Variants in RGP1 observed in about 807,000 individuals in gnomAD.
The protein encoded by RGP1 is RAB6A-GEF complex partner protein 2.
A neutral mutation model predicts 44.5 loss-of-function variants in RGP1; 28 were observed. That is an observed-to-expected ratio of 0.63 (90% CI 0.47 to 0.86). The LOEUF is 0.86. RGP1 is among the 40% of genes least tolerant of loss of function. The pLI, the probability that RGP1 is intolerant of heterozygous loss-of-function variation, is 0.00. For synonymous variants in RGP1, 212 were observed against 196.7 expected (o/e 1.08, Z -0.65); for missense variants, 417 against 490.7 (o/e 0.85, Z 1.42).
At chr9:35,776,593 T>C in the RGP1 span, among the ~76,000 whole-genome samples, 1 of 151,922 alleles carries the variant, frequency 6.6e-6, no homozygotes, top group Non-Finnish European at 1.5e-5. Flanking sequence ...GGCCCCCTAT[T>C]CTCATCTAAA....
chr9:35,752,186 G>C (rs368461138), intron 8 of RGP1, 41 bp downstream of exon 8: 6 of 1,500,838 alleles, frequency 4.0e-6, no homozygotes, highest in Non-Finnish European at 2.7e-6. Flanking sequence ...GAGGGGGACA[G>C]TAAAATGCTG....
At chr9:35,783,614 G>T in the RGP1 span, among the ~76,000 whole-genome samples, 1,424 of 152,106 alleles carry the variant, frequency 9.4e-3, 13 homozygotes, top group African/African-American at 0.033. Context: ...TGCTGCAAAT[G>T]ACAGGAATTC....
At chr9:35,787,601 T>G in the RGP1 span, among the ~76,000 whole-genome samples, 1 of 152,224 alleles carries the variant, frequency 6.6e-6, no homozygotes. Context: ...AACCATACTG[T>G]GCACTGCTGC....
the RGP1 span, among the ~76,000 whole-genome samples, chr9:35,766,530 T>C: frequency 1.0e-3 from 156 of 152,322 alleles, 1 homozygote; most frequent in Non-Finnish European, 1.3e-3. Context: ...GTGTTTTTTG[T>C]ATCCTGCATA....
At position 35,753,336 on chromosome 9, in the gene RGP1, C is replaced by G; in HGVS notation, c.*462C>G. On this transcript the variant is annotated 3_prime_UTR_variant, in exon 9 of 9. Coordinates refer to ENST00000378078, the MANE Select transcript of RGP1 (RefSeq NM_001080496.3). This position sits in a 1 kb window ranked among gnomAD's most constrained non-coding sequence, Gnocchi z 4.2. ...GCACAGTGAAAGGCTGCCTTTATCC[C>G]TGCCCACATGTTCCCTCTCTCACAG... 1 of 1,563,474 alleles carries G rather than the reference C, an allele frequency of 6.4e-7. No individual in the cohort carries two copies. Among genetic ancestry groups the G allele is most frequent in the Non-Finnish European group, 8.7e-7 (1 of 1,151,080 alleles).
In RGP1 at chr9:35,749,374, C is replaced by G. The variant is rs1227856291; in HGVS notation, c.-54C>G. The G allele has an allele frequency of 3.7e-6, 2 of 544,244 alleles. No homozygotes were observed. The highest frequency in any genetic ancestry group is 2.8e-5 in the South Asian group (2 of 72,338). 33.7% of individuals were successfully genotyped at this position (544,244 alleles called of 1,614,324 possible). On this transcript the variant is annotated 5_prime_UTR_variant, in exon 1 of 9. Coordinates refer to ENST00000378078, the MANE Select transcript of RGP1 (RefSeq NM_001080496.3). This position sits in a 1 kb window ranked among gnomAD's most constrained non-coding sequence, Gnocchi z 4.4. ...TCCCTGAGGGGCGGGCAGATGAGGC[C>G]TAGGGGTGCCGATCCCTAGTGTCGA...
In RGP1 at chr9:35,758,546, C is replaced by T. The variant is rs1827389136; in HGVS notation, c.*5672C>T. 6.6e-6 allele frequency: 1 copy of T among 151,920 alleles called. No individual in the cohort carries two copies. Among genetic ancestry groups the T allele is most frequent in the African/African-American group, 2.4e-5 (1 of 41,302 alleles). 9.4% of individuals were successfully genotyped at this position (151,920 alleles called of 1,614,324 possible). On this transcript the variant is annotated 3_prime_UTR_variant, in exon 9 of 9. Coordinates refer to ENST00000378078, the MANE Select transcript of RGP1 (RefSeq NM_001080496.3). ...CCCTAAACTCTGCATTGCCTTTGGTCCCAAACAAGCAAATCTGGGTCAATT... is the reference window on the plus strand; with the variant it reads ...CCCTAAACTCTGCATTGCCTTTGGTTCCAAACAAGCAAATCTGGGTCAATT...
At chr9:35,773,791 C>T in the RGP1 span, among the ~76,000 whole-genome samples, 6 of 151,886 alleles carry the variant, frequency 4.0e-5, no homozygotes, top group African/African-American at 9.7e-5. Flanking sequence ...CGTGAGCCAC[C>T]GAGCCCAGCC....
chr9:35,769,890 A>C, the RGP1 span, among the ~76,000 whole-genome samples: 1 of 152,184 alleles, frequency 6.6e-6, no homozygotes, highest in Non-Finnish European at 1.5e-5. Context: ...GCACTGCATT[A>C]AAAAAATTAA....
At chr9:35,752,528 T>A in intron 8 of RGP1, 123 bp from the exon 9 acceptor site, 1 of 877,670 alleles carries the variant, frequency 1.1e-6, no homozygotes, top group Non-Finnish European at 1.8e-6. Flanking sequence ...CTCCCTGCCC[T>A]GTGACTTTTC....
At chr9:35,774,498 C>A in the RGP1 span, among the ~76,000 whole-genome samples, 1 of 152,154 alleles carries the variant, frequency 6.6e-6, no homozygotes, top group East Asian at 1.9e-4. Context: ...GAGGCTGAGG[C>A]GGGTGGATCA....
At chr9:35,751,553 T>C (rs1827265197) in intron 6 of RGP1, 74 bp from the exon 7 acceptor site, 1 of 1,604,922 alleles carries the variant, frequency 6.2e-7, no homozygotes, top group African/African-American at 1.3e-5. Context: ...GCCCCATCTT[T>C]TGGCCTGTGG....
chr9:35,751,838 A>C lies in RGP1; in HGVS notation c.762+84A>C, dbSNP rs367577778. The C allele has an allele frequency of 6.9e-6, 11 of 1,596,106 alleles. No individual in the cohort carries two copies. In the African/African-American group the frequency reaches 1.5e-4, roughly 21 times the overall value. ...GAAGGCCTGTATAAAGAGGGGTGGC[A>C]TGTAGAAGGGGATAGTGGGGTCATC... On this transcript the variant is annotated intron_variant, in intron 7 of 8. Coordinates refer to ENST00000378078, the MANE Select transcript of RGP1 (RefSeq NM_001080496.3).
At chr9:35,780,545 C>T in the RGP1 span, 1 of 152,204 alleles carries the variant, frequency 6.6e-6, no homozygotes, top group African/African-American at 2.4e-5. Flanking sequence ...CCACCTTTCC[C>T]TGCAGTCTCA....
In RGP1 at chr9:35,753,858, A is replaced by AC. The variant is rs1422832250; in HGVS notation, c.*985dup. ...TCTGGGGTGGAGACAGTAAGTACGC[A>AC]CTATCCCCGTATTTAGTTTGTCTTT... On this transcript the variant is annotated 3_prime_UTR_variant, in exon 9 of 9. Coordinates refer to ENST00000378078, the MANE Select transcript of RGP1 (RefSeq NM_001080496.3). This position sits in a 1 kb window ranked among gnomAD's most constrained non-coding sequence, Gnocchi z 4.2. The AC allele has an allele frequency of 6.6e-7, 1 of 1,515,104 alleles. No homozygotes were observed. The highest frequency in any genetic ancestry group is 1.4e-5 in the African/African-American group (1 of 72,888). The allele number at this position is 1,515,104 out of a possible 1,614,324, so 93.9% of individuals were successfully genotyped here. A position where few individuals can be genotyped will look rare whatever the true frequency, so the allele number is the denominator to read the frequency against.
chr9:35,765,122 C>CAA, the RGP1 span, among the ~76,000 whole-genome samples: 64 of 103,202 alleles, frequency 6.2e-4, no homozygotes, highest in Admixed American at 5.2e-4. Flanking sequence ...GACTCTGTCT[C>CAA]AAAAAAAAAA....
At chr9:35,774,270 C>T in the RGP1 span, among the ~76,000 whole-genome samples, 1 of 152,174 alleles carries the variant, frequency 6.6e-6, no homozygotes, top group Admixed American at 6.5e-5. Context: ...GCAAACGCCT[C>T]CCTCCCTGAG....
At chr9:35,752,211 G>A (rs927238688) in intron 8 of RGP1, 66 bp downstream of exon 8, 4 of 1,415,334 alleles carry the variant, frequency 2.8e-6, no homozygotes, top group Admixed American at 2.7e-5. Context: ...AAGGGAGGGT[G>A]TAATGGATCC....
the RGP1 span, among the ~76,000 whole-genome samples, chr9:35,778,749 G>T: frequency 6.6e-6 from 1 of 152,088 alleles, no homozygotes; most frequent in African/African-American, 2.4e-5. Flanking sequence ...TAAGCCCAAG[G>T]CTTGTTAATC....
Sources: allele counts gnomAD v4.1 joint callset (sites outside exome capture counted in the v4.1 genomes callset), GRCh38; gene constraint gnomAD v4.1.1; non-coding constraint Gnocchi (gnomAD v3.1); transcripts MANE v1.5; gene names NCBI Gene and HGNC (gene_info 2026-07-23, HGNC 2026-07-21).